NCOA1: variants seen among roughly 807,000 people sequenced by gnomAD.
The protein encoded by NCOA1 is Hin-2 protein.
In NCOA1, 35 loss-of-function variants were observed where a neutral mutation model predicts 150.9. The observed-to-expected ratio is 0.23, with a 90% confidence interval of 0.18 to 0.31. NCOA1 has a LOEUF of 0.31. Among genes scored for constraint, NCOA1 ranks in the 10% least tolerant of loss-of-function variants. The pLI, the probability that NCOA1 is intolerant of heterozygous loss-of-function variation, is 1.00. For synonymous variants in NCOA1, 590 were observed against 630.0 expected, an observed-to-expected ratio of 0.94 and a Z score of 0.95; for missense variants, 1,491 against 1,749.3, an observed-to-expected ratio of 0.85 and a Z score of 2.63.
intron 17 of NCOA1, among the ~76,000 whole-genome samples, chr2:24,730,871 CAAAAAA>C (rs35975198): frequency 9.2e-4 from 57 of 61,886 alleles, no homozygotes; most frequent in African/African-American, 3.6e-3. Flanking sequence ...ACTAAAAGTA[CAAAAAA>C]AAAAAAAAAA....
intron 1 of NCOA1, among the ~76,000 whole-genome samples, chr2:24,524,671 G>A (rs1169471915): frequency 6.6e-6 from 1 of 151,888 alleles, no homozygotes; most frequent in Non-Finnish European, 1.5e-5. Flanking sequence ...GCAATGGTGC[G>A]ATCTCAGCTC....
intron 2 of NCOA1, among the ~76,000 whole-genome samples, chr2:24,571,038 T>C (rs918680502): frequency 6.6e-6 from 1 of 152,246 alleles, no homozygotes; most frequent in East Asian, 1.9e-4. Context: ...TATGTAGTTA[T>C]GTATTTTTTA....
chr2:24,534,246 A>G (rs1211253898), intron 1 of NCOA1, among the ~76,000 whole-genome samples: 2 of 152,118 alleles, frequency 1.3e-5, no homozygotes, highest in Admixed American at 6.5e-5. Context: ...TGTTTATAGT[A>G]TTCTCTGATG....
intron 2 of NCOA1, among the ~76,000 whole-genome samples, chr2:24,576,149 GTTTTTTTTT>G (rs1183405187): frequency 0.021 from 1,933 of 94,044 alleles, 81 homozygotes; most frequent in African/African-American, 0.082. Context: ...TTTGGCCTTT[GTTTTTTTTT>G]TTTTGTTTTT....
intron 3 of NCOA1, among the ~76,000 whole-genome samples, chr2:24,600,621 G>A (rs566415839): frequency 6.6e-6 from 1 of 152,258 alleles, no homozygotes; most frequent in East Asian, 1.9e-4. Context: ...GCATTAATTG[G>A]GATATTCCTT....
chr2:24,498,590 A>G (rs754374442), intron 1 of NCOA1, among the ~76,000 whole-genome samples: 3 of 152,210 alleles, frequency 2.0e-5, no homozygotes, highest in South Asian at 2.1e-4. Flanking sequence ...AGAGACAAGG[A>G]GAACAGTATG....
At chr2:24,543,803 C>G (rs1401923566) in intron 1 of NCOA1, among the ~76,000 whole-genome samples, 2 of 152,004 alleles carry the variant, frequency 1.3e-5, no homozygotes, top group Non-Finnish European at 2.9e-5. Context: ...GCCCTGAAAG[C>G]AATGTTAGGG....
intron 4 of NCOA1, among the ~76,000 whole-genome samples, chr2:24,649,808 AG>A (rs1165263242): frequency 6.6e-6 from 1 of 152,188 alleles, no homozygotes; most frequent in Non-Finnish European, 1.5e-5. Context: ...AAAGAAAAAA[AG>A]CATTGTCGCT....
intron 3 of NCOA1, among the ~76,000 whole-genome samples, chr2:24,622,740 A>G (rs748154584): frequency 6.6e-6 from 1 of 152,092 alleles, no homozygotes; most frequent in Non-Finnish European, 1.5e-5. Context: ...CAGAATTTTT[A>G]TTGCCCATAT....
chr2:24,647,668 T>G (rs1167241216), intron 4 of NCOA1, among the ~76,000 whole-genome samples: 1 of 152,186 alleles, frequency 6.6e-6, no homozygotes, highest in African/African-American at 2.4e-5. Flanking sequence ...ATGCTCAATA[T>G]ATATATAATG....
chr2:24,711,214 A>G, intron 14 of NCOA1, 103 bp downstream of exon 14: 1 of 1,108,358 alleles, frequency 9.0e-7, no homozygotes. Flanking sequence ...TAAGAGTGAA[A>G]TATCTTTTTA....
Position 24,707,003 on chromosome 2 carries a change from T to C in NCOA1, c.1533T>C (p.Asn511=), listed in dbSNP as rs1480194278. The change falls in exon 13 of 23, where the codon AAT becomes AAC. Residue 511 remains asparagine (N), a synonymous_variant. Transcript: ENST00000348332. ...PRMPNNSFPP[N]ISTLSSPVGM... is the part of the protein sequence containing the mutation. The stretch of plus-strand genomic sequence containing the variant: ...TGCCAAACAATTCCTTTCCTCCTAA[T>C]ATTTCGACATTAAGCTCTCCCGTTG... The C allele has an allele frequency of 6.2e-7, 1 of 1,614,084 alleles. No homozygotes were observed. Among genetic ancestry groups the C allele is most frequent in the Non-Finnish European group, 8.5e-7 (1 of 1,180,040 alleles).
rs537102551 is a variant in NCOA1, at chr2:24,763,416, G to A, written c.4155+640G>A. Among the ~76,000 whole-genome samples, 659 of 151,172 alleles carry A rather than the reference G, an allele frequency of 4.4e-3. 5 individuals carry two copies. Among genetic ancestry groups the A allele is most frequent in the African/African-American group, 0.015 (631 of 41,260 alleles). On this transcript the variant is annotated intron_variant, in intron 22 of 22. Coordinates refer to ENST00000348332, the MANE Select transcript of NCOA1 (RefSeq NM_003743.5). Reference sequence around the variant, plus strand: ...TAGCCGGGTGAGGTGGCGGGTGCCTGTAGTCCCAGCTACTTGGGAGGCTGA... The same window carrying A: ...TAGCCGGGTGAGGTGGCGGGTGCCTATAGTCCCAGCTACTTGGGAGGCTGA...
intron 1 of NCOA1, among the ~76,000 whole-genome samples, chr2:24,507,696 C>T (rs1338755322): frequency 6.6e-6 from 1 of 151,810 alleles, no homozygotes; most frequent in African/African-American, 2.4e-5. Flanking sequence ...TTCCTTTGAC[C>T]AGCTGGTTCA....
chr2:24,710,850 T>G, intron 13 of NCOA1, 81 bp from the exon 14 acceptor site: 1 of 1,367,316 alleles, frequency 7.3e-7, no homozygotes, highest in Non-Finnish European at 1.0e-6. Flanking sequence ...TCATAGAGTT[T>G]AAAGAAGCAG....
chr2:24,760,999 C>T (rs1423993851), intron 21 of NCOA1, among the ~76,000 whole-genome samples: 1 of 152,080 alleles, frequency 6.6e-6, no homozygotes, highest in Non-Finnish European at 1.5e-5. Context: ...AGGGGTGCGC[C>T]ACCACACCCA....
At chr2:24,652,872 C>A (rs1271855910) in intron 4 of NCOA1, among the ~76,000 whole-genome samples, 1 of 151,974 alleles carries the variant, frequency 6.6e-6, no homozygotes, top group South Asian at 2.1e-4. Flanking sequence ...ATTTAAGTAC[C>A]CTGACTGCGA....
At chr2:24,499,990 C>T (rs1663386407) in intron 1 of NCOA1, among the ~76,000 whole-genome samples, 1 of 152,222 alleles carries the variant, frequency 6.6e-6, no homozygotes, top group African/African-American at 2.4e-5. Context: ...ACCTTGATAG[C>T]ATACAACAGA....
chr2:24,612,602 T>A (rs973866430), intron 3 of NCOA1, among the ~76,000 whole-genome samples: 1 of 152,176 alleles, frequency 6.6e-6, no homozygotes, highest in African/African-American at 2.4e-5. Context: ...TCTTTTTTCT[T>A]TATTTTTGTC....
Sources: gnomAD v4.1 joint callset for allele counts (sites outside exome capture counted in the v4.1 genomes callset) on GRCh38, gnomAD v4.1.1 for gene constraint, MANE v1.5 for transcripts, NCBI Gene and HGNC (gene_info 2026-07-23, HGNC 2026-07-21) for gene names.